CRPPA: variants seen among roughly 807,000 people sequenced by gnomAD.
CRPPA encodes D-ribitol-5-phosphate cytidylyltransferase.
A neutral mutation model predicts 52.0 loss-of-function variants in CRPPA; 43 were observed. The ratio of observed to expected loss-of-function variants is 0.83; its 90% CI spans 0.65 to 1.07. CRPPA has a LOEUF of 1.07. Ranked by LOEUF, CRPPA falls within the 50% of genes least tolerant of loss-of-function variation. CRPPA has a pLI of 0.00. For missense variants in CRPPA, 629 were observed against 551.7 expected (o/e 1.14, Z -1.40); for synonymous variants, 250 against 203.5 (o/e 1.23, Z -1.94).
intron 9 of CRPPA, among the ~76,000 whole-genome samples, chr7:16,166,203 T>C (rs1781061261): frequency 6.6e-6 from 1 of 152,202 alleles, no homozygotes; most frequent in African/African-American, 2.4e-5. Context: ...AGCTGATAAA[T>C]ATTTATTTAA....
intron 3 of CRPPA, among the ~76,000 whole-genome samples, chr7:16,324,828 C>G (rs1337743043): frequency 6.6e-6 from 1 of 152,132 alleles, no homozygotes; most frequent in Non-Finnish European, 1.5e-5. Context: ...ACTTTTGCTC[C>G]CATACTTGGA....
At chr7:16,254,089 C>T (rs1217876843) in intron 8 of CRPPA, among the ~76,000 whole-genome samples, 6 of 152,134 alleles carry the variant, frequency 3.9e-5, no homozygotes, top group Non-Finnish European at 2.9e-5. Context: ...CAGGAAACAA[C>T]AGATGCCGGA....
chr7:16,117,518 C>T (rs1056419956), intron 9 of CRPPA, among the ~76,000 whole-genome samples: 1 of 152,226 alleles, frequency 6.6e-6, no homozygotes, highest in Non-Finnish European at 1.5e-5. Context: ...AGCCTCCCTC[C>T]AGCAGCCCTG....
chr7:16,179,369 G>C (rs780012391), intron 9 of CRPPA, among the ~76,000 whole-genome samples: 2 of 152,082 alleles, frequency 1.3e-5, no homozygotes, highest in African/African-American at 2.4e-5. Context: ...GTCACGCACA[G>C]CAAAAGAAGT....
intron 9 of CRPPA, among the ~76,000 whole-genome samples, chr7:16,120,883 G>A (rs1272388449): frequency 2.0e-5 from 3 of 152,072 alleles, no homozygotes; most frequent in African/African-American, 4.8e-5. Flanking sequence ...TATTTAAAGT[G>A]TATCACAGAA....
At chr7:16,406,035 A>G (rs1227964426) in intron 2 of CRPPA, 26 bp downstream of exon 2, 3 of 1,604,508 alleles carry the variant, frequency 1.9e-6, no homozygotes, top group African/African-American at 1.3e-5. Flanking sequence ...TGTCCCTTCT[A>G]TCTAGACTCA....
At chr7:16,220,865 C>T (rs1782479476) in intron 8 of CRPPA, among the ~76,000 whole-genome samples, 1 of 152,336 alleles carries the variant, frequency 6.6e-6, no homozygotes, top group East Asian at 1.9e-4. Context: ...AACGGCCATA[C>T]TGCCCAAGGT....
intron 3 of CRPPA, among the ~76,000 whole-genome samples, chr7:16,336,179 T>C (rs1223678715): frequency 6.6e-6 from 1 of 152,152 alleles, no homozygotes; most frequent in East Asian, 1.9e-4. Context: ...AAAATCTCAA[T>C]GGTGTAGATA....
intron 6 of CRPPA, among the ~76,000 whole-genome samples, chr7:16,259,384 A>G (rs1007585114): frequency 6.6e-6 from 1 of 152,044 alleles, no homozygotes; most frequent in Admixed American, 6.6e-5. Context: ...CTGGAAGCAC[A>G]TAACACAGTT....
At chr7:16,279,629 G>A (rs1336639593) in intron 5 of CRPPA, among the ~76,000 whole-genome samples, 2 of 152,194 alleles carry the variant, frequency 1.3e-5, no homozygotes, top group African/African-American at 4.8e-5. Context: ...AGAGAAACTG[G>A]AGACAAGATC....
intron 8 of CRPPA, among the ~76,000 whole-genome samples, chr7:16,235,280 A>G (rs2128404289): frequency 1.3e-5 from 2 of 152,058 alleles, no homozygotes; most frequent in South Asian, 4.1e-4. Context: ...TTGAGATAGG[A>G]TGACATGTAG....
At chr7:16,145,775 G>T (rs1782963019) in intron 9 of CRPPA, among the ~76,000 whole-genome samples, 1 of 151,248 alleles carries the variant, frequency 6.6e-6, no homozygotes, top group African/African-American at 2.4e-5. Context: ...ATTACTCACA[G>T]GAAAAAAAGA....
intron 9 of CRPPA, among the ~76,000 whole-genome samples, chr7:16,108,688 A>G (rs995686183): frequency 6.6e-6 from 1 of 151,900 alleles, no homozygotes; most frequent in African/African-American, 2.4e-5. Context: ...ATTCTCCGGG[A>G]TAGATCTCAC....
chr7:16,216,390 TAAACACTCAGAGA>T (rs1782310854), intron 8 of CRPPA, 193 bp from the exon 9 acceptor site: 2 of 415,832 alleles, frequency 4.8e-6, no homozygotes, highest in Non-Finnish European at 8.5e-6. Context: ...ACAGATGTAG[TAAACACTCAGAGA>T]AAACGAGGTT....
intron 2 of CRPPA, among the ~76,000 whole-genome samples, chr7:16,404,699 C>T (rs940421306): frequency 1.3e-5 from 2 of 151,964 alleles, no homozygotes; most frequent in African/African-American, 4.8e-5. Flanking sequence ...CCTAAGAACT[C>T]TTCCAAATGT....
intron 9 of CRPPA, among the ~76,000 whole-genome samples, chr7:16,118,135 C>G (rs960049185): frequency 6.6e-6 from 1 of 152,314 alleles, no homozygotes; most frequent in South Asian, 2.1e-4. Flanking sequence ...GGTCTCGGCT[C>G]CATGCCAACC....
At chr7:16,227,602 T>A (rs1397230207) in intron 8 of CRPPA, among the ~76,000 whole-genome samples, 2 of 151,906 alleles carry the variant, frequency 1.3e-5, no homozygotes, top group Non-Finnish European at 2.9e-5. Context: ...CAAGTTTTTT[T>A]ACATAATTCT....
chr7:16,377,916 G>T (rs765866151), intron 2 of CRPPA, among the ~76,000 whole-genome samples: 1 of 151,908 alleles, frequency 6.6e-6, no homozygotes, highest in Admixed American at 6.6e-5. Context: ...CAGAATACTG[G>T]GGCCCTGATC....
At chr7:16,204,902 CT>C (rs1345713847) in intron 9 of CRPPA, among the ~76,000 whole-genome samples, 3 of 152,140 alleles carry the variant, frequency 2.0e-5, no homozygotes, top group Admixed American at 6.6e-5. Flanking sequence ...TGGATTCTTA[CT>C]GATTATTTTT....
Sources: gnomAD v4.1 joint callset for allele counts (sites outside exome capture counted in the v4.1 genomes callset) on GRCh38, gnomAD v4.1.1 for gene constraint, MANE v1.5 for transcripts, NCBI Gene and HGNC (gene_info 2026-07-23, HGNC 2026-07-21) for gene names.